EFHC1: variants seen among roughly 807,000 people sequenced by gnomAD.
EFHC1 encodes the protein EF-hand domain containing 1, also known as EF-hand domain-containing protein 1.
Under a neutral mutation model 69.9 loss-of-function variants are expected in EFHC1, and 53 were observed. The ratio of observed to expected loss-of-function variants is 0.76; its 90% CI spans 0.61 to 0.95. The LOEUF (loss-of-function observed/expected upper bound fraction) is 0.95. Ranked by LOEUF, EFHC1 falls within the 40% of genes least tolerant of loss-of-function variation. The probability of loss-of-function intolerance (pLI) is 0.00; values close to 1 mark genes in which losing one functional copy is unlikely to be tolerated. For synonymous variants in EFHC1, 256 were observed against 278.4 expected, an observed-to-expected ratio of 0.92 and a Z score of 0.80; for missense variants, 739 against 798.7, an observed-to-expected ratio of 0.93 and a Z score of 0.90.
intron 4 of EFHC1, 192 bp from the exon 5 acceptor site, chr6:52,453,903 A>T (rs761495803): frequency 7.6e-6 from 11 of 1,450,124 alleles, no homozygotes; most frequent in Middle Eastern, 2.5e-4. Context: ...CCAGCTGCTG[A>T]CATATAGTAC....
intron 5 of EFHC1, among the ~76,000 whole-genome samples, chr6:52,463,194 ATTTT>A (rs35702967): frequency 7.5e-6 from 1 of 133,002 alleles, no homozygotes; most frequent in Non-Finnish European, 1.6e-5. Context: ...CACCCAGCTA[ATTTT>A]TTTTTTTTTT....
chr6:52,455,263 T>C (rs1765017127), intron 5 of EFHC1, among the ~76,000 whole-genome samples: 2 of 152,230 alleles, frequency 1.3e-5, no homozygotes, highest in South Asian at 2.1e-4. Flanking sequence ...TAATGACTGA[T>C]AGCTCTTATG....
At position 52,454,226 on chromosome 6, in the gene EFHC1, A is replaced by C. The variant is rs1764988753; in HGVS notation, c.855A>C (p.Arg285Ser). The change falls in exon 5 of 11, where the codon AGA becomes AGC. Residue 285 changes from arginine (R) to serine (S), a missense_variant. Transcript: ENST00000371068. ...AGGTCCACGAACGGAATGATGGGAGAGATCCTTTCCCACTCCTAATGAACC... is the reference window on the plus strand; with the variant it reads ...AGGTCCACGAACGGAATGATGGGAGCGATCCTTTCCCACTCCTAATGAACC... ...IREVHERNDG[R>S]DPFPLLMNRQ... 1 of 1,614,046 alleles carries C rather than the reference A, an allele frequency of 6.2e-7. No individual in the cohort carries two copies. Among genetic ancestry groups the C allele is most frequent in the East Asian group, 2.2e-5 (1 of 44,898 alleles).
rs1468980439 is a variant in EFHC1, at chr6:52,492,456, G to A, written c.*115G>A. The A allele has an allele frequency of 1.8e-6, 2 of 1,126,648 alleles. No individual in the cohort carries two copies. The highest frequency in any genetic ancestry group is 1.5e-5 in the African/African-American group (1 of 64,960). The allele number at this position is 1,126,648 out of a possible 1,614,324, so 69.8% of individuals were successfully genotyped here. Reference sequence around the variant, plus strand: ...TTCCTGAAGTTTTATTTCTGTTTTGGTTCTTCTTTCACTCCTACTGAAGTC... The same window carrying A: ...TTCCTGAAGTTTTATTTCTGTTTTGATTCTTCTTTCACTCCTACTGAAGTC... On this transcript the variant is annotated 3_prime_UTR_variant, in exon 11 of 11. Coordinates refer to ENST00000371068, the MANE Select transcript of EFHC1 (RefSeq NM_018100.4).
intron 7 of EFHC1, among the ~76,000 whole-genome samples, chr6:52,472,005 T>G (rs898591276): frequency 6.6e-6 from 1 of 151,808 alleles, no homozygotes; most frequent in Non-Finnish European, 1.5e-5. Context: ...GCCAAAAAAG[T>G]CTATTTCAGT....
rs981515941 is a variant in EFHC1, at chr6:52,465,817, A to T, written c.1137+702A>T. Among the ~76,000 whole-genome samples the T allele has an allele frequency of 3.4e-5, 5 of 148,488 alleles. No individual in the cohort carries two copies. In the Admixed American group the frequency reaches 3.4e-4, roughly 10 times the overall value. On this transcript the variant is annotated intron_variant, in intron 6 of 10. Coordinates refer to ENST00000371068, the MANE Select transcript of EFHC1 (RefSeq NM_018100.4). ...ATGAGTGAAAGTCTGTCTCAAAAAA[A>T]TATGTATATATTATATATCTATATA... is the stretch of plus-strand genomic sequence containing the variant.
rs553105915 is a variant in EFHC1 at position 52,454,209 on chromosome 6, G to A, written c.838G>A (p.Glu280Lys). 9.3e-6 allele frequency: 15 copies of A among 1,614,108 alleles called. No homozygotes were observed. The highest frequency in any genetic ancestry group is 4.5e-5 in the East Asian group (2 of 44,870). ...DDTVEIREVH[E>K]RNDGRDPFPL... is the part of the protein sequence containing the mutation. ...TACGGTGGAAATTCGAGAGGTCCAC[G>A]AACGGAATGATGGGAGAGATCCTTT... is the stretch of plus-strand genomic sequence containing the variant. Residue 280 changes from glutamate to lysine, a missense_variant, in exon 5 of 11, where the codon GAA becomes AAA. By Grantham distance (56) the Glu-to-Lys change is moderately conservative (BLOSUM62 1). Coordinates refer to ENST00000371068, the MANE Select transcript of EFHC1 (RefSeq NM_018100.4).
rs150172221 is a variant in EFHC1 at position 52,471,803 on chromosome 6, A to G, written c.1278+2330A>G. Among the ~76,000 whole-genome samples, 841 of 152,170 alleles carry G rather than the reference A, an allele frequency of 5.5e-3. 8 individuals carry two copies. The highest frequency in any genetic ancestry group is 0.019 in the African/African-American group (791 of 41,526). ...GAATCGCTTGAACCTGGGAGGTGGA[A>G]GTTGCAGTGAGCCAAGATTGTGCCA... On this transcript the variant is annotated intron_variant, in intron 7 of 10. Transcript: ENST00000371068.
At chr6:52,423,142 T>C (rs1297142651) in intron 1 of EFHC1, among the ~76,000 whole-genome samples, 4 of 152,216 alleles carry the variant, frequency 2.6e-5, no homozygotes, top group Non-Finnish European at 5.9e-5. Flanking sequence ...ACTTTAAATA[T>C]ATACCATCCA....
chr6:52,448,016 G>T (rs894297759), intron 3 of EFHC1, among the ~76,000 whole-genome samples: 5 of 152,208 alleles, frequency 3.3e-5, no homozygotes, highest in Admixed American at 6.5e-5. Context: ...CTACTTGGGG[G>T]TCAGGGACCC....
chr6:52,443,456 A>G (rs1471156705), intron 3 of EFHC1, among the ~76,000 whole-genome samples: 1 of 152,112 alleles, frequency 6.6e-6, no homozygotes, highest in African/African-American at 2.4e-5. Flanking sequence ...TCTTGAATTA[A>G]TTTTTGTATA....
At chr6:52,463,845 G>A (rs889744796) in intron 5 of EFHC1, among the ~76,000 whole-genome samples, 1 of 152,188 alleles carries the variant, frequency 6.6e-6, no homozygotes, top group South Asian at 2.1e-4. Flanking sequence ...GACATAGGGA[G>A]ACAGATCCCT....
intron 3 of EFHC1, among the ~76,000 whole-genome samples, chr6:52,445,455 C>G (rs1235489288): frequency 6.7e-6 from 1 of 149,664 alleles, no homozygotes; most frequent in Non-Finnish European, 1.5e-5. Context: ...CCCCCTCCCC[C>G]TACCCCGCAG....
At chr6:52,476,927 G>T (rs1405779605) in intron 7 of EFHC1, among the ~76,000 whole-genome samples, 1 of 152,214 alleles carries the variant, frequency 6.6e-6, no homozygotes, top group Non-Finnish European at 1.5e-5. Flanking sequence ...TCCTGGTTCA[G>T]ATAATTGTAC....
At chr6:52,458,785 A>G (rs2147207) in intron 5 of EFHC1, among the ~76,000 whole-genome samples, 28,955 of 152,160 alleles carry the variant, frequency 0.19, 3,230 homozygotes, top group Admixed American at 0.34. Context: ...AAATTGTTGT[A>G]TCCAAAAGAT....
intron 2 of EFHC1, among the ~76,000 whole-genome samples, chr6:52,425,832 A>G (rs1256123735): frequency 6.6e-6 from 1 of 152,212 alleles, no homozygotes; most frequent in Admixed American, 6.5e-5. Flanking sequence ...CATAATAGCC[A>G]ACATATTTGT....
intron 7 of EFHC1, among the ~76,000 whole-genome samples, chr6:52,472,812 G>A (rs1047762711): frequency 6.6e-6 from 1 of 151,366 alleles, no homozygotes; most frequent in Non-Finnish European, 1.5e-5. Flanking sequence ...AACACTTTAG[G>A]TGTTACATAT....
chr6:52,452,746 C>T lies in EFHC1; in HGVS notation c.632C>T (p.Pro211Leu). ...LNPPEKMALD[P>L]YTELRKQPLR... ...CCACCAGAGAAGATGGCTCTTGATC[C>T]TTACACTGAACTCCGAAAACAGCCT... The change falls in exon 4 of 11, where the codon CCT becomes CTT. Residue 211 changes from proline (P) to leucine (L), a missense_variant. Physicochemically the swap from Pro to Leu is moderately conservative, Grantham distance 98 (BLOSUM62 -3). Coordinates refer to ENST00000371068, the MANE Select transcript of EFHC1 (RefSeq NM_018100.4). 6.2e-7 allele frequency: 1 copy of T among 1,614,174 alleles called. No individual in the cohort carries two copies. Among genetic ancestry groups the T allele is most frequent in the Non-Finnish European group, 8.5e-7 (1 of 1,180,038 alleles).
intron 2 of EFHC1, among the ~76,000 whole-genome samples, 182 bp downstream of exon 2, chr6:52,424,349 G>A (rs1411007962): frequency 3.3e-5 from 5 of 152,180 alleles, no homozygotes; most frequent in Non-Finnish European, 5.9e-5. Context: ...CTTTAGTCAG[G>A]AAGCTGATTA....
Sources: allele counts gnomAD v4.1 joint callset (sites outside exome capture counted in the v4.1 genomes callset), GRCh38; gene constraint gnomAD v4.1.1; transcripts MANE v1.5; gene names NCBI Gene and HGNC (gene_info 2026-07-23, HGNC 2026-07-21).